Variants in CYRIB observed in about 807,000 individuals in gnomAD.
The protein encoded by CYRIB is CYFIP-related Rac1 interactor B.
In CYRIB, 8 loss-of-function variants were observed where a neutral mutation model predicts 44.2. The ratio of observed to expected loss-of-function variants is 0.18; its 90% CI spans 0.11 to 0.33. The LOEUF is 0.33. Ranked by LOEUF, CYRIB falls within the 10% of genes least tolerant of loss-of-function variation. CYRIB has a pLI of 1.00. For missense variants in CYRIB, 185 were observed against 382.8 expected (o/e 0.48, Z 4.31); for synonymous variants, 131 against 127.2 (o/e 1.03, Z -0.20).
At chr8:129,858,368 T>C (rs1179581976) in intron 5 of CYRIB, among the ~76,000 whole-genome samples, 2 of 152,208 alleles carry the variant, frequency 1.3e-5, no homozygotes, top group Admixed American at 1.3e-4. Flanking sequence ...CAAAGGAAGC[T>C]GGCAGATGAG....
At chr8:130,015,168 G>A (rs2097312823) in intron 1 of CYRIB, among the ~76,000 whole-genome samples, 1 of 152,138 alleles carries the variant, frequency 6.6e-6, no homozygotes, top group Non-Finnish European at 1.5e-5. Context: ...GATCCTGGAT[G>A]GATGTTACAG....
At chr8:129,850,554 C>A in intron 9 of CYRIB, 1 of 379,160 alleles carries the variant, frequency 2.6e-6, no homozygotes, top group South Asian at 3.9e-5. Context: ...ACCAAAACAC[C>A]ACCACCACTT....
chr8:129,900,048 A>G (rs2070683209), intron 2 of CYRIB, among the ~76,000 whole-genome samples: 1 of 152,204 alleles, frequency 6.6e-6, no homozygotes, highest in Non-Finnish European at 1.5e-5. Flanking sequence ...TGCTAAAAAA[A>G]CGGAGAAAGG....
At chr8:129,908,077 T>C (rs1162568785) in intron 1 of CYRIB, among the ~76,000 whole-genome samples, 1 of 152,126 alleles carries the variant, frequency 6.6e-6, no homozygotes. Flanking sequence ...AAACTATACA[T>C]TACACATGGA....
chr8:129,932,418 G>A (rs536464763), intron 1 of CYRIB, among the ~76,000 whole-genome samples: 16 of 152,240 alleles, frequency 1.1e-4, no homozygotes, highest in African/African-American at 3.4e-4. Flanking sequence ...AAGGGCAGGC[G>A]TGCTTATTGC....
At chr8:129,939,674 T>C (rs1214578544) in exon 1 of CYRIB, 1 of 152,182 alleles carries the variant, frequency 6.6e-6, no homozygotes, top group Non-Finnish European at 1.5e-5. Flanking sequence ...CAGAGGCGGC[T>C]CCTCAGCGGC....
At position 129,855,767 on chromosome 8, in the gene CYRIB, A is replaced by T; in HGVS notation, c.302-20T>A. On this transcript the variant is annotated intron_variant, in intron 5 of 11. Coordinates refer to ENST00000519824, the Ensembl canonical transcript of CYRIB. The stretch of plus-strand genomic sequence containing the variant: ...CTGCTTCTAAAGAAAAAAATTGAAA[A>T]AAACATTAAGTTGTTTGTATCTGTG... 6.3e-7 allele frequency: 1 copy of T among 1,586,546 alleles called. No homozygotes were observed. The highest frequency in any genetic ancestry group is 8.6e-7 in the Non-Finnish European group (1 of 1,167,010).
At chr8:129,854,410 A>G in intron 6 of CYRIB, 67 bp from the exon 9 acceptor site, 1 of 1,169,382 alleles carries the variant, frequency 8.6e-7, no homozygotes, top group Admixed American at 2.2e-5. Flanking sequence ...ACTAAGTAAA[A>G]AATCTTTAGT....
At chr8:129,996,953 T>C (rs558216914) in intron 1 of CYRIB, among the ~76,000 whole-genome samples, 2 of 151,404 alleles carry the variant, frequency 1.3e-5, no homozygotes, top group East Asian at 3.9e-4. Context: ...TAAGTGCAAA[T>C]ATACCAGCGT....
chr8:129,884,068 G>C (rs912835784), intron 2 of CYRIB, among the ~76,000 whole-genome samples: 1 of 152,174 alleles, frequency 6.6e-6, no homozygotes, highest in African/African-American at 2.4e-5. Context: ...AGGTCTCAAA[G>C]AGTGTCCTGG....
chr8:129,903,270 C>A (rs2135797351), intron 2 of CYRIB, 42 bp downstream of exon 4: 1 of 152,542 alleles, frequency 6.6e-6, no homozygotes, highest in South Asian at 2.1e-4. Flanking sequence ...CATAACTTTT[C>A]ATTTATATTT....
At chr8:129,923,427 A>G (rs1211294211) in intron 1 of CYRIB, among the ~76,000 whole-genome samples, 1 of 151,728 alleles carries the variant, frequency 6.6e-6, no homozygotes, top group Non-Finnish European at 1.5e-5. Flanking sequence ...GGCGCTCGCC[A>G]CCACACCCAG....
At chr8:129,930,882 T>C (rs2138294418) in intron 1 of CYRIB, among the ~76,000 whole-genome samples, 1 of 152,294 alleles carries the variant, frequency 6.6e-6, no homozygotes, top group African/African-American at 2.4e-5. Context: ...TCCAAGTCTC[T>C]AAATTCACGT....
At chr8:129,924,300 G>C (rs1589934143) in intron 1 of CYRIB, among the ~76,000 whole-genome samples, 1 of 97,060 alleles carries the variant, frequency 1.0e-5, no homozygotes, top group Non-Finnish European at 2.2e-5. Flanking sequence ...CCGGGGGGGG[G>C]GGGGGTGGCG....
chr8:129,848,005 C>T (rs1225111033), intron 10 of CYRIB, among the ~76,000 whole-genome samples: 3 of 152,056 alleles, frequency 2.0e-5, no homozygotes, highest in African/African-American at 7.2e-5. Flanking sequence ...GAGGTTTCAC[C>T]ATGTTGGCCA....
chr8:129,874,478 AAGGGGTC>A (rs1202842246), intron 3 of CYRIB, among the ~76,000 whole-genome samples: 1 of 152,134 alleles, frequency 6.6e-6, no homozygotes, highest in African/African-American at 2.4e-5. Flanking sequence ...TAATTGTGAT[AAGGGGTC>A]TTTCTGCTTT....
chr8:129,907,533 G>T (rs1318232982), intron 1 of CYRIB, among the ~76,000 whole-genome samples: 1 of 152,054 alleles, frequency 6.6e-6, no homozygotes, highest in Non-Finnish European at 1.5e-5. Flanking sequence ...CATGGCACAT[G>T]TATATGTATG....
chr8:129,991,943 CAAAA>C (rs35897320), intron 1 of CYRIB, among the ~76,000 whole-genome samples: 2 of 19,198 alleles, frequency 1.0e-4, no homozygotes, highest in Non-Finnish European at 2.0e-4. Context: ...AGCAGAGTCG[CAAAA>C]AAAAAAAAAA....
At chr8:129,972,395 A>C (rs2095735888) in intron 1 of CYRIB, among the ~76,000 whole-genome samples, 1 of 151,896 alleles carries the variant, frequency 6.6e-6, no homozygotes, top group Admixed American at 6.6e-5. Context: ...CCAGTAATTT[A>C]GGGAGCTCTC....
Sources: allele counts gnomAD v4.1 joint callset (sites outside exome capture counted in the v4.1 genomes callset), GRCh38; gene constraint gnomAD v4.1.1; transcripts MANE v1.5; gene names NCBI Gene and HGNC (gene_info 2026-07-23, HGNC 2026-07-21).